Variants in EEFSEC observed in about 807,000 individuals in gnomAD.
The protein encoded by EEFSEC is selenocysteine-specific elongation factor.
EEFSEC carries 43 observed loss-of-function variants against 42.1 expected under a neutral mutation model. That is an observed-to-expected ratio of 1.02 (90% confidence interval 0.80 to 1.32). EEFSEC has a LOEUF of 1.32. Among genes scored for constraint, EEFSEC ranks in the 40% most tolerant of loss-of-function variants. The probability of loss-of-function intolerance (pLI) is 0.00; values close to 1 mark genes in which losing one functional copy is unlikely to be tolerated. For synonymous variants in EEFSEC, 354 were observed against 339.1 expected, an observed-to-expected ratio of 1.04 and a Z score of -0.48; for missense variants, 745 against 803.6, an observed-to-expected ratio of 0.93 and a Z score of 0.88.
intron 5 of EEFSEC, among the ~76,000 whole-genome samples, chr3:128,356,167 T>C (rs1343101690): frequency 6.6e-6 from 1 of 152,248 alleles, no homozygotes; most frequent in African/African-American, 2.4e-5. Flanking sequence ...ACAAGAATAT[T>C]AATATCAGCT....
intron 4 of EEFSEC, among the ~76,000 whole-genome samples, chr3:128,340,368 A>G (rs2067236916): frequency 6.7e-6 from 1 of 149,890 alleles, no homozygotes; most frequent in African/African-American, 2.4e-5. Context: ...GTAGATTAAT[A>G]TTATATAATT....
chr3:128,170,295 G>A (rs1232329047), intron 1 of EEFSEC, among the ~76,000 whole-genome samples: 2 of 152,194 alleles, frequency 1.3e-5, no homozygotes, highest in African/African-American at 4.8e-5. Flanking sequence ...GGGCACGGTG[G>A]CTCACGCCTG....
chr3:128,303,515 A>G (rs1274749128), intron 4 of EEFSEC, among the ~76,000 whole-genome samples: 1 of 152,070 alleles, frequency 6.6e-6, no homozygotes, highest in East Asian at 1.9e-4. Flanking sequence ...TTTGCATTTC[A>G]TTGTCTATAA....
At chr3:128,303,741 G>C (rs1371993250) in intron 4 of EEFSEC, among the ~76,000 whole-genome samples, 1 of 152,062 alleles carries the variant, frequency 6.6e-6, no homozygotes, top group East Asian at 1.9e-4. Flanking sequence ...TATGACCTCT[G>C]TGTTTTCTGT....
intron 6 of EEFSEC, among the ~76,000 whole-genome samples, chr3:128,404,572 T>C (rs1032642843): frequency 1.3e-5 from 2 of 152,152 alleles, no homozygotes; most frequent in African/African-American, 2.4e-5. Context: ...CTACCTGCTC[T>C]GTTTGCAGAA....
intron 1 of EEFSEC, among the ~76,000 whole-genome samples, chr3:128,206,688 G>T (rs2065700192): frequency 6.6e-6 from 1 of 152,182 alleles, no homozygotes; most frequent in Non-Finnish European, 1.5e-5. Context: ...TTTATGATTT[G>T]CTTATTAACG....
At chr3:128,387,820 G>A (rs1442879851) in intron 6 of EEFSEC, among the ~76,000 whole-genome samples, 6 of 152,286 alleles carry the variant, frequency 3.9e-5, no homozygotes, top group Admixed American at 6.5e-5. Flanking sequence ...ATGGAGCCCC[G>A]CTTGCATGTT....
chr3:128,300,861 A>T (rs546098091), intron 4 of EEFSEC, among the ~76,000 whole-genome samples: 1 of 152,292 alleles, frequency 6.6e-6, no homozygotes, highest in South Asian at 2.1e-4. Flanking sequence ...ATAAATAGAT[A>T]CTTAGTGTTT....
chr3:128,154,740 C>A (rs1034578251), intron 1 of EEFSEC, among the ~76,000 whole-genome samples: 5 of 152,274 alleles, frequency 3.3e-5, no homozygotes, highest in Middle Eastern at 3.4e-3. Flanking sequence ...TGAGCCACCA[C>A]GTCCGGCCTG....
intron 4 of EEFSEC, among the ~76,000 whole-genome samples, chr3:128,304,365 T>G (rs1316602600): frequency 6.6e-6 from 1 of 152,072 alleles, no homozygotes; most frequent in Non-Finnish European, 1.5e-5. Context: ...CCTGTACATT[T>G]CTTAAGTTTA....
rs1559938425 is a variant in EEFSEC, at chr3:128,358,342, C to A, written c.1569C>A (p.Gly523=). ...TGGGCATCATCGACAGTGCCTTCGGCCAGAGCGGCAAGTTCAAGATCCACA... is the reference window on the plus strand; with the variant it reads ...TGGGCATCATCGACAGTGCCTTCGGACAGAGCGGCAAGTTCAAGATCCACA... ...GELGIIDSAF[G]QSGKFKIHIP... is the part of the protein sequence containing the mutation. The change falls in exon 6 of 7, where the codon GGC becomes GGA. Residue 523 remains glycine (G), a synonymous_variant. Coordinates refer to ENST00000254730, the MANE Select transcript of EEFSEC (RefSeq NM_021937.5). 1.2e-6 allele frequency: 2 copies of A among 1,614,116 alleles called. No homozygotes were observed. Among genetic ancestry groups the A allele is most frequent in the Admixed American group, 1.7e-5 (1 of 60,010 alleles).
chr3:128,178,663 A>T (rs997446970), intron 1 of EEFSEC, among the ~76,000 whole-genome samples: 3 of 152,212 alleles, frequency 2.0e-5, no homozygotes, highest in Non-Finnish European at 4.4e-5. Flanking sequence ...CTGAATCTTT[A>T]CAATGAAACA....
chr3:128,391,945 T>C (rs1029624002), intron 6 of EEFSEC, among the ~76,000 whole-genome samples: 21 of 152,342 alleles, frequency 1.4e-4, no homozygotes, highest in African/African-American at 4.8e-4. Context: ...GGAGGGAGTC[T>C]GCAAGCGCTT....
intron 6 of EEFSEC, among the ~76,000 whole-genome samples, chr3:128,366,017 T>C (rs776194186): frequency 6.6e-6 from 1 of 152,060 alleles, no homozygotes; most frequent in Admixed American, 6.5e-5. Flanking sequence ...AGGCAACAGA[T>C]TGTCAGGGGC....
downstream of EEFSEC, among the ~76,000 whole-genome samples, chr3:128,409,436 C>T (rs1013988312): frequency 1.3e-5 from 2 of 152,084 alleles, no homozygotes; most frequent in African/African-American, 4.8e-5. Flanking sequence ...AATACACCAA[C>T]AGCAGAGCAA....
chr3:128,223,574 A>G (rs2065880882), intron 1 of EEFSEC, among the ~76,000 whole-genome samples: 1 of 152,202 alleles, frequency 6.6e-6, no homozygotes, highest in South Asian at 2.1e-4. Context: ...CATATTTCCA[A>G]TTGTGTTATA....
At chr3:128,390,841 G>T (rs185706685) in intron 6 of EEFSEC, among the ~76,000 whole-genome samples, 2 of 152,306 alleles carry the variant, frequency 1.3e-5, no homozygotes, top group East Asian at 3.9e-4. Context: ...CTCCCCACAC[G>T]CTGGCCCCAG....
At chr3:128,177,813 G>A (rs1188565011) in intron 1 of EEFSEC, among the ~76,000 whole-genome samples, 1 of 152,222 alleles carries the variant, frequency 6.6e-6, no homozygotes, top group African/African-American at 2.4e-5. Context: ...GCAGGCTCAA[G>A]TTTGCTTTTA....
intron 6 of EEFSEC, among the ~76,000 whole-genome samples, chr3:128,395,311 A>G (rs113862978): frequency 0.015 from 2,289 of 152,258 alleles, 51 homozygotes; most frequent in African/African-American, 0.052. Context: ...GGCAGCCATC[A>G]GTGGCCCACT....
Sources: gnomAD v4.1 joint callset for allele counts (sites outside exome capture counted in the v4.1 genomes callset) on GRCh38, gnomAD v4.1.1 for gene constraint, MANE v1.5 for transcripts, NCBI Gene and HGNC (gene_info 2026-07-23, HGNC 2026-07-21) for gene names.